The following APPL2 variants were observed in gnomAD, a reference collection of about 807,000 sequenced individuals.
The protein encoded by APPL2 is DCC-interacting protein 13-beta.
APPL2 carries 84 observed loss-of-function variants against 92.7 expected under a neutral mutation model. That is an observed-to-expected ratio of 0.91 (90% CI 0.76 to 1.09). APPL2 has a LOEUF of 1.09. Among genes scored for constraint, APPL2 ranks in the 50% least tolerant of loss-of-function variants. APPL2 has a pLI of 0.00. For synonymous variants in APPL2, 291 were observed against 291.0 expected, an observed-to-expected ratio of 1.00 and a Z score of 0.00; for missense variants, 736 against 824.5, an observed-to-expected ratio of 0.89 and a Z score of 1.31.
Position 105,229,160 on chromosome 12 carries a change from G to A in APPL2, c.118C>T (p.Leu40=). ...AGTLTDYTNQ[L]LQAMQRVYGA... ...TAGACGCGCTGCATTGCCTGGAGCA[G>A]CTGGTTGGTATAGTCTGTGAGGGTG... Residue 40 remains leucine, a synonymous_variant, in exon 2 of 21, where the codon CTG becomes TTG. Coordinates refer to ENST00000258530, the MANE Select transcript of APPL2 (RefSeq NM_018171.5). The A allele has an allele frequency of 1.2e-6, 2 of 1,613,416 alleles. No homozygotes were observed. Among genetic ancestry groups the A allele is most frequent in the South Asian group, 2.2e-5 (2 of 91,002 alleles).
intron 17 of APPL2, among the ~76,000 whole-genome samples, chr12:105,181,164 CATGAAGGGGTGTTGA>C (rs1454411869): frequency 6.6e-6 from 1 of 152,154 alleles, no homozygotes; most frequent in African/African-American, 2.4e-5. Context: ...GTGTTTTTAG[CATGAAGGGGTGTTGA>C]ATTTTATCGA....
At chr12:105,174,882 G>T (rs1036431760) in intron 20 of APPL2, among the ~76,000 whole-genome samples, 11 of 108,214 alleles carry the variant, frequency 1.0e-4, no homozygotes, top group African/African-American at 2.5e-4. Flanking sequence ...TTGGTGGGGG[G>T]GGGGGTGGTG....
intron 8 of APPL2, among the ~76,000 whole-genome samples, chr12:105,206,001 T>C (rs1360002512): frequency 1.3e-5 from 2 of 152,208 alleles, no homozygotes; most frequent in Non-Finnish European, 2.9e-5. Context: ...TTCAGTGAAC[T>C]CACCATTCAA....
intron 19 of APPL2, 21 bp downstream of exon 19, chr12:105,176,855 A>T: frequency 6.2e-7 from 1 of 1,611,818 alleles, no homozygotes. Context: ...ATATTATGGG[A>T]TCTTCACATG....
intron 1 of APPL2, among the ~76,000 whole-genome samples, 189 bp from the exon 2 acceptor site, chr12:105,229,412 G>A (rs1274767811): frequency 2.6e-5 from 4 of 152,214 alleles, no homozygotes; most frequent in African/African-American, 7.2e-5. Context: ...TTTAGAGCTC[G>A]CTTTCTAATC....
intron 2 of APPL2, among the ~76,000 whole-genome samples, chr12:105,220,061 A>T (rs1014308703): frequency 1.3e-5 from 2 of 152,248 alleles, no homozygotes; most frequent in Non-Finnish European, 2.9e-5. Flanking sequence ...ATAGATGAAG[A>T]AACTGAAGCA....
At chr12:105,176,493 T>TTGTG in intron 19 of APPL2, 1 of 428,246 alleles carries the variant, frequency 2.3e-6, no homozygotes, top group Non-Finnish European at 4.1e-6. Flanking sequence ...AACCAACAGC[T>TTGTG]TGTGTGTAAC....
intron 17 of APPL2, among the ~76,000 whole-genome samples, chr12:105,184,575 C>T (rs1886415874): frequency 6.6e-6 from 1 of 152,194 alleles, no homozygotes; most frequent in Non-Finnish European, 1.5e-5. Context: ...CTGGGTATCA[C>T]CAGTGGAGGC....
intron 4 of APPL2, among the ~76,000 whole-genome samples, chr12:105,213,431 G>A (rs1363087608): frequency 6.6e-6 from 1 of 152,204 alleles, no homozygotes; most frequent in African/African-American, 2.4e-5. Context: ...TAAGGCATGT[G>A]AGGACAAGAC....
intron 9 of APPL2, among the ~76,000 whole-genome samples, chr12:105,201,768 A>G (rs1223031537): frequency 6.6e-6 from 1 of 152,252 alleles, no homozygotes; most frequent in Non-Finnish European, 1.5e-5. Context: ...TGATATATAG[A>G]TATGAGCCGC....
At chr12:105,186,621 A>ATATATCATATATATGATATC (rs1886638602) in intron 17 of APPL2, among the ~76,000 whole-genome samples, 3 of 98,902 alleles carry the variant, frequency 3.0e-5, no homozygotes, top group African/African-American at 5.9e-5. Flanking sequence ...TATATCATAT[A>ATATATCATATATATGATATC]TATATCATAT....
At chr12:105,227,711 C>G (rs781779001) in intron 2 of APPL2, among the ~76,000 whole-genome samples, 16 of 152,176 alleles carry the variant, frequency 1.1e-4, no homozygotes, top group Non-Finnish European at 8.8e-5. Context: ...AGAGTCTCAG[C>G]TTGGCTCCAG....
At chr12:105,193,480 G>T (rs928619374) in intron 14 of APPL2, among the ~76,000 whole-genome samples, 4 of 152,166 alleles carry the variant, frequency 2.6e-5, no homozygotes, top group African/African-American at 9.7e-5. Context: ...TCAACTGCAG[G>T]TCTGGTATTC....
chr12:105,174,884 G>C lies in APPL2; in HGVS notation c.1861-436C>G, dbSNP rs897953393. On this transcript the variant is annotated intron_variant, in intron 20 of 20. Coordinates refer to ENST00000258530, the MANE Select transcript of APPL2 (RefSeq NM_018171.5). ...CTGCTGCTTTTTTTTGGTGGGGGGGGGGGTGGTGCGGCGGTTGGAGACAGA... is the reference window on the plus strand; with the variant it reads ...CTGCTGCTTTTTTTTGGTGGGGGGGCGGGTGGTGCGGCGGTTGGAGACAGA... Among the ~76,000 whole-genome samples the C allele has an allele frequency of 7.8e-5, 11 of 141,238 alleles. 1 individual carries two copies. Among genetic ancestry groups the C allele is most frequent in the African/African-American group, 1.0e-4 (4 of 39,768 alleles). 92.7% of individuals were successfully genotyped at this position (141,238 alleles called of 152,430 possible).
intron 4 of APPL2, among the ~76,000 whole-genome samples, chr12:105,214,024 A>G (rs1889437750): frequency 1.3e-5 from 2 of 152,094 alleles, no homozygotes; most frequent in South Asian, 2.1e-4. Context: ...CGTCTCTACT[A>G]AAAATACAAA....
At chr12:105,187,664 C>T (rs914531396) in intron 17 of APPL2, among the ~76,000 whole-genome samples, 1 of 152,138 alleles carries the variant, frequency 6.6e-6, no homozygotes, top group African/African-American at 2.4e-5. Flanking sequence ...TATTACCAGA[C>T]ATGTGATTAA....
At position 105,203,553 on chromosome 12, in the gene APPL2, AG is replaced by A. The variant is rs1239431642; in HGVS notation, c.704+149del. 3.8e-4 allele frequency: 254 copies of A among 669,084 alleles called. No individual in the cohort carries two copies. In the African/African-American group the frequency reaches 4.2e-3, roughly 11 times the overall value. The allele number at this position is 669,084 out of a possible 1,614,324, so 41.4% of individuals were successfully genotyped here. On this transcript the variant is annotated intron_variant, in intron 9 of 20. Transcript: ENST00000258530. The stretch of plus-strand genomic sequence containing the variant: ...AGATATTTATGAATATTGGCAGCTA[AG>A]GCAAGGGCACTGTTAGCGAGCATTT...
intron 11 of APPL2, among the ~76,000 whole-genome samples, chr12:105,196,840 C>G (rs959607595): frequency 6.6e-6 from 1 of 152,142 alleles, no homozygotes; most frequent in Non-Finnish European, 1.5e-5. Flanking sequence ...TATTTTATAT[C>G]TGAGGAAAGT....
chr12:105,229,700 T>C (rs896828035), intron 1 of APPL2: 1 of 986,752 alleles, frequency 1.0e-6, no homozygotes, highest in Non-Finnish European at 1.2e-6. Flanking sequence ...TTTTTTGTAA[T>C]CTTGGATGTC....
Sources: gnomAD v4.1 joint callset for allele counts (sites outside exome capture counted in the v4.1 genomes callset) on GRCh38, gnomAD v4.1.1 for gene constraint, MANE v1.5 for transcripts, NCBI Gene and HGNC (gene_info 2026-07-23, HGNC 2026-07-21) for gene names.